The following ASIC2 variants were observed in gnomAD, a reference collection of about 807,000 sequenced individuals.
The protein encoded by ASIC2 is acid sensing ion channel subunit 2.
In ASIC2, 25 loss-of-function variants were observed where a neutral mutation model predicts 57.3. The ratio of observed to expected loss-of-function variants is 0.44; its 90% confidence interval spans 0.32 to 0.61. The LOEUF (loss-of-function observed/expected upper bound fraction) is 0.61. ASIC2 is among the 20% of genes least tolerant of loss of function. The pLI, the probability that ASIC2 is intolerant of heterozygous loss-of-function variation, is 0.06. For missense variants in ASIC2, 641 were observed against 738.1 expected (o/e 0.87, Z 1.52); for synonymous variants, 319 against 307.5 (o/e 1.04, Z -0.39).
intron 1 of ASIC2, among the ~76,000 whole-genome samples, chr17:34,035,769 C>T (rs1166094646): frequency 1.3e-5 from 2 of 152,030 alleles, no homozygotes; most frequent in Admixed American, 6.6e-5. Context: ...GCAGCCAAAA[C>T]ACACGTGAAA....
intron 1 of ASIC2, among the ~76,000 whole-genome samples, chr17:34,095,000 T>C (rs545255707): frequency 4.8e-4 from 73 of 152,340 alleles, no homozygotes; most frequent in African/African-American, 1.7e-3. Flanking sequence ...GATTGTTCAG[T>C]GTCCTAGGTG....
At chr17:33,746,448 ATATATGTGTG>A (rs1567704569) in intron 1 of ASIC2, among the ~76,000 whole-genome samples, 2 of 101,636 alleles carry the variant, frequency 2.0e-5, no homozygotes, top group African/African-American at 2.8e-5. Context: ...ATATATGTGT[ATATATGTGTG>A]TATATGTGTA....
chr17:33,510,855 C>G (rs552561503), intron 1 of ASIC2, among the ~76,000 whole-genome samples: 31 of 152,212 alleles, frequency 2.0e-4, no homozygotes, highest in African/African-American at 7.5e-4. Context: ...AACCCACATT[C>G]TCTGCCCGTA....
upstream of ASIC2, among the ~76,000 whole-genome samples, chr17:33,297,125 C>T (rs575223891): frequency 1.9e-4 from 29 of 152,326 alleles, no homozygotes; most frequent in African/African-American, 6.3e-4. Flanking sequence ...AATCAGAGCA[C>T]GTTGATGCTG....
chr17:33,639,440 G>C (rs554455081), intron 1 of ASIC2, among the ~76,000 whole-genome samples: 7 of 152,218 alleles, frequency 4.6e-5, no homozygotes, highest in Non-Finnish European at 8.8e-5. Flanking sequence ...AATCTTCCCT[G>C]AGAAAAGTCT....
chr17:33,548,048 C>A (rs1016576311), intron 1 of ASIC2, among the ~76,000 whole-genome samples: 1 of 152,150 alleles, frequency 6.6e-6, no homozygotes, highest in Admixed American at 6.5e-5. Flanking sequence ...GTCTCTCAGA[C>A]GTTAACAGGG....
intron 4 of ASIC2, among the ~76,000 whole-genome samples, chr17:33,027,298 C>G (rs1228435064): frequency 6.6e-6 from 1 of 152,150 alleles, no homozygotes; most frequent in Non-Finnish European, 1.5e-5. Flanking sequence ...TTGGGCCCAC[C>G]TTTCAGCACA....
Position 33,780,240 on chromosome 17 carries a change from G to A in ASIC2, c.555+375738C>T, listed in dbSNP as rs933866589. 2.6e-5 allele frequency among the ~76,000 whole-genome samples: 4 copies of A among 152,052 alleles called. 1 individual carries two copies. The highest frequency in any genetic ancestry group is 2.6e-4 in the Admixed American group (4 of 15,282). ...CCTGCCTTGGCTTCCCAAAGTGCTG[G>A]GATTACAGGGGTCAGCCACCACACC... is the stretch of plus-strand genomic sequence containing the variant. On this transcript the variant is annotated intron_variant, in intron 1 of 9. Transcript: ENST00000359872.
rs559310683 is a variant in ASIC2, at chr17:34,057,986, A to G, written c.555+97992T>C. Among the ~76,000 whole-genome samples the G allele has an allele frequency of 2.6e-5, 4 of 152,238 alleles. No homozygotes were observed. The East Asian group carries it at 7.7e-4, about 29-fold the overall frequency. ...CCCAGACATTTTGACACCTACACCC[A>G]TGTACTTGTGTGCGTGCACAACTCT... On this transcript the variant is annotated intron_variant, in intron 1 of 9. Coordinates refer to the ASIC2 transcript ENST00000359872.
At chr17:33,747,805 G>C (rs1567705024) in intron 1 of ASIC2, among the ~76,000 whole-genome samples, 1 of 152,124 alleles carries the variant, frequency 6.6e-6, no homozygotes, top group Non-Finnish European at 1.5e-5. Context: ...AGGTCTGCAG[G>C]GTCCTCAGGA....
chr17:33,505,743 G>A (rs111348508), intron 1 of ASIC2, among the ~76,000 whole-genome samples: 47 of 152,226 alleles, frequency 3.1e-4, no homozygotes, highest in Non-Finnish European at 5.6e-4. Flanking sequence ...TGCCCGGATC[G>A]CCTACTAGCC....
At chr17:33,682,314 C>T (rs1908035621) in intron 1 of ASIC2, among the ~76,000 whole-genome samples, 1 of 151,836 alleles carries the variant, frequency 6.6e-6, no homozygotes, top group South Asian at 2.1e-4. Context: ...ATCAGCCCAC[C>T]TCGGCCTCCC....
chr17:33,926,538 A>T (rs1915825374), intron 1 of ASIC2, among the ~76,000 whole-genome samples: 1 of 152,230 alleles, frequency 6.6e-6, no homozygotes, highest in African/African-American at 2.4e-5. Context: ...CTGAGCCATC[A>T]GAAAGCAAGG....
chr17:33,233,917 G>A (rs562489488), intron 1 of ASIC2, among the ~76,000 whole-genome samples: 7 of 152,254 alleles, frequency 4.6e-5, no homozygotes, highest in South Asian at 2.1e-4. Flanking sequence ...TTCTTTAGGC[G>A]GGACAGCCCT....
chr17:33,237,185 A>G (rs1908324332), intron 1 of ASIC2, among the ~76,000 whole-genome samples: 1 of 152,164 alleles, frequency 6.6e-6, no homozygotes, highest in Non-Finnish European at 1.5e-5. Flanking sequence ...AGCCAGAAGA[A>G]GTTATTGTTG....
chr17:33,666,350 G>T (rs1455536424), intron 1 of ASIC2, among the ~76,000 whole-genome samples: 2 of 152,198 alleles, frequency 1.3e-5, no homozygotes, highest in African/African-American at 4.8e-5. Flanking sequence ...GGGAGATTTT[G>T]AGTGTGTGGG....
intron 3 of ASIC2, among the ~76,000 whole-genome samples, chr17:33,061,908 G>A (rs565099342): frequency 1.3e-5 from 2 of 152,270 alleles, no homozygotes; most frequent in East Asian, 3.9e-4. Flanking sequence ...ATGTGTCAAG[G>A]AATTTATCCA....
At chr17:33,968,971 C>G (rs975482112) in intron 1 of ASIC2, among the ~76,000 whole-genome samples, 1 of 152,156 alleles carries the variant, frequency 6.6e-6, no homozygotes, top group Non-Finnish European at 1.5e-5. Flanking sequence ...CATTCCTCTC[C>G]CTTGCTGCAT....
At chr17:33,591,618 T>C (rs1904829150) in intron 1 of ASIC2, among the ~76,000 whole-genome samples, 1 of 152,192 alleles carries the variant, frequency 6.6e-6, no homozygotes, top group Non-Finnish European at 1.5e-5. Context: ...ACCTGTCTCC[T>C]GAGAATTGTT....
Sources: allele counts gnomAD v4.1 joint callset (sites outside exome capture counted in the v4.1 genomes callset), GRCh38; gene constraint gnomAD v4.1.1; transcripts MANE v1.5; gene names NCBI Gene and HGNC (gene_info 2026-07-23, HGNC 2026-07-21).